The following DCP1A variants were observed in gnomAD, a reference collection of about 807,000 sequenced individuals.
DCP1A encodes the protein mRNA-decapping enzyme 1A.
In DCP1A, 20 loss-of-function variants were observed where a neutral mutation model predicts 58.0. The observed-to-expected ratio is 0.34, with a 90% CI of 0.24 to 0.50. DCP1A has a LOEUF of 0.50. Ranked by LOEUF, DCP1A falls within the 20% of genes least tolerant of loss-of-function variation. The pLI is 0.98. For synonymous variants in DCP1A, 285 were observed against 275.1 expected, an observed-to-expected ratio of 1.04 and a Z score of -0.36; for missense variants, 613 against 712.2, an observed-to-expected ratio of 0.86 and a Z score of 1.59.
chr3:53,342,065 C>T, intron 3 of DCP1A, 79 bp downstream of exon 3: 9 of 1,284,850 alleles, frequency 7.0e-6, no homozygotes, highest in Non-Finnish European at 8.6e-6. Flanking sequence ...TAATTTGAAA[C>T]TTCCTAAATA....
intron 6 of DCP1A, among the ~76,000 whole-genome samples, chr3:53,302,276 CTG>C (rs1374369097): frequency 6.6e-6 from 1 of 152,178 alleles, no homozygotes; most frequent in Non-Finnish European, 1.5e-5. Context: ...GCATATAAAT[CTG>C]TAATTATCTC....
At chr3:53,341,314 G>A (rs2089198885) in intron 3 of DCP1A, among the ~76,000 whole-genome samples, 1 of 152,066 alleles carries the variant, frequency 6.6e-6, no homozygotes, top group East Asian at 1.9e-4. Context: ...AATTAGCCAG[G>A]CGTGGTGGCG....
intron 6 of DCP1A, among the ~76,000 whole-genome samples, chr3:53,303,152 T>C (rs1707363185): frequency 6.6e-6 from 1 of 152,140 alleles, no homozygotes; most frequent in Non-Finnish European, 1.5e-5. Flanking sequence ...GGTCTCACTA[T>C]GCTGCCCAGG....
intron 3 of DCP1A, chr3:53,332,964 A>ATT (rs2089040370): frequency 6.6e-6 from 1 of 152,070 alleles, no homozygotes; most frequent in Non-Finnish European, 1.5e-5. Context: ...CTTTGGCTGA[A>ATT]TGGCCTATAT....
chr3:53,310,211 T>C (rs1317228377), intron 5 of DCP1A, among the ~76,000 whole-genome samples: 2 of 152,172 alleles, frequency 1.3e-5, no homozygotes, highest in Non-Finnish European at 2.9e-5. Context: ...TTTTATTCCA[T>C]AGTGTGAAAG....
chr3:53,310,574 C>T (rs1035554033), intron 5 of DCP1A, among the ~76,000 whole-genome samples: 3 of 152,146 alleles, frequency 2.0e-5, no homozygotes, highest in Admixed American at 6.5e-5. Flanking sequence ...AAAGTATGTA[C>T]GTAGAAAATC....
At chr3:53,324,486 A>G (rs1708058194) in intron 3 of DCP1A, among the ~76,000 whole-genome samples, 1 of 152,252 alleles carries the variant, frequency 6.6e-6, no homozygotes, top group Non-Finnish European at 1.5e-5. Context: ...CTTACACTCT[A>G]AGGCCCAACA....
intron 3 of DCP1A, among the ~76,000 whole-genome samples, chr3:53,338,337 C>A (rs782410020): frequency 1.7e-4 from 26 of 152,136 alleles, no homozygotes; most frequent in African/African-American, 6.3e-4. Flanking sequence ...CATGCTAGCA[C>A]TTCGGGAGGC....
chr3:53,296,956 C>T (rs1553686833), intron 6 of DCP1A, among the ~76,000 whole-genome samples: 2 of 152,206 alleles, frequency 1.3e-5, no homozygotes, highest in Non-Finnish European at 2.9e-5. Flanking sequence ...TGAGGAATCA[C>T]CGAACTGTTT....
chr3:53,342,532 C>A (rs1173707910), intron 2 of DCP1A, among the ~76,000 whole-genome samples: 2 of 152,224 alleles, frequency 1.3e-5, no homozygotes, highest in African/African-American at 2.4e-5. Context: ...ACTCCCCACT[C>A]TGACTTCATT....
At chr3:53,344,843 G>A (rs534587499) in intron 2 of DCP1A, 59 bp downstream of exon 2, 27 of 1,288,980 alleles carry the variant, frequency 2.1e-5, no homozygotes, top group African/African-American at 8.9e-5. Context: ...GAATTGAACC[G>A]TTTCACATTG....
At chr3:53,322,612 A>AT (rs562619729) in intron 3 of DCP1A, among the ~76,000 whole-genome samples, 1 of 151,892 alleles carries the variant, frequency 6.6e-6, no homozygotes, top group South Asian at 2.1e-4. Flanking sequence ...ATGAACAAGA[A>AT]TTTTTTTTCC....
intron 4 of DCP1A, among the ~76,000 whole-genome samples, chr3:53,318,626 C>T (rs782814497): frequency 3.3e-5 from 5 of 152,288 alleles, no homozygotes; most frequent in South Asian, 4.1e-4. Context: ...TCCAGCAATA[C>T]GGATAGGTCA....
chr3:53,315,222 G>A (rs1051045966), intron 4 of DCP1A, among the ~76,000 whole-genome samples: 1 of 151,924 alleles, frequency 6.6e-6, no homozygotes, highest in Non-Finnish European at 1.5e-5. Context: ...TGGCCAAACC[G>A]TCAAACAACT....
intron 6 of DCP1A, 104 bp from the exon 7 acceptor site, chr3:53,292,931 G>A (rs1706979251): frequency 1.0e-5 from 12 of 1,174,394 alleles, no homozygotes; most frequent in African/African-American, 7.7e-5. Flanking sequence ...AAGGATGGAT[G>A]GAGTATCAAA....
intron 3 of DCP1A, among the ~76,000 whole-genome samples, chr3:53,326,215 A>G (rs781922554): frequency 6.6e-6 from 1 of 152,238 alleles, no homozygotes; most frequent in Non-Finnish European, 1.5e-5. Context: ...ATCTCAGTAC[A>G]GAATTTAGAC....
At position 53,285,794 on chromosome 3, in the gene DCP1A, C is replaced by T. The variant is rs1706611478; in HGVS notation, c.*1786G>A. 1 of 152,198 alleles carries T rather than the reference C, an allele frequency of 6.6e-6. No homozygotes were observed. The highest frequency in any genetic ancestry group is 1.5e-5 in the Non-Finnish European group (1 of 68,040). The allele number at this position is 152,198 out of a possible 1,614,324, so 9.4% of individuals were successfully genotyped here. A position where few individuals can be genotyped will look rare whatever the true frequency, so the allele number is the denominator to read the frequency against. On this transcript the variant is annotated 3_prime_UTR_variant, in exon 10 of 10. Coordinates refer to ENST00000610213, the MANE Select transcript of DCP1A (RefSeq NM_018403.7). The stretch of plus-strand genomic sequence containing the variant: ...CACTTTATGGAAGTCACGTGGCTCC[C>T]TGGACACCATCTCCCGGTGTCAGCA...
At chr3:53,300,710 C>T (rs1258556190) in intron 6 of DCP1A, among the ~76,000 whole-genome samples, 1 of 151,838 alleles carries the variant, frequency 6.6e-6, no homozygotes. Flanking sequence ...TGCAGTGGTG[C>T]GATCTTGGCT....
chr3:53,328,433 G>A lies in DCP1A; in HGVS notation c.305-8960C>T, dbSNP rs182200459. On this transcript the variant is annotated intron_variant, in intron 3 of 9. Transcript: ENST00000610213. Reference sequence around the variant, plus strand: ...GTTCTCAAAAGAAAAAACATTTGAAGTATTGAATATTTAACATAATTATCT... The same window carrying A: ...GTTCTCAAAAGAAAAAACATTTGAAATATTGAATATTTAACATAATTATCT... 3.3e-5 allele frequency among the ~76,000 whole-genome samples: 5 copies of A among 152,166 alleles called. No individual in the cohort carries two copies. In the East Asian group the frequency reaches 9.7e-4, roughly 29 times the overall value.
Sources: gnomAD v4.1 joint callset for allele counts (sites outside exome capture counted in the v4.1 genomes callset) on GRCh38, gnomAD v4.1.1 for gene constraint, MANE v1.5 for transcripts, NCBI Gene and HGNC (gene_info 2026-07-23, HGNC 2026-07-21) for gene names.